The following ANKRD30A variants were observed in gnomAD, a reference collection of about 807,000 sequenced individuals.
ANKRD30A encodes ankyrin repeat domain 30A, also known as ankyrin repeat domain-containing protein 30A.
A neutral mutation model predicts 166.3 loss-of-function variants in ANKRD30A; 170 were observed. That is an observed-to-expected ratio of 1.02 (90% CI 0.90 to 1.16). ANKRD30A has a LOEUF of 1.16. ANKRD30A is among the 50% of genes most tolerant of loss of function. The pLI, the probability that ANKRD30A is intolerant of heterozygous loss-of-function variation, is 0.00. For synonymous variants in ANKRD30A, 564 were observed against 508.9 expected (o/e 1.11, Z -1.46); for missense variants, 1,630 against 1,518.0 (o/e 1.07, Z -1.23).
chr10:37,229,093 G>C (rs935200773), intron 34 of ANKRD30A, among the ~76,000 whole-genome samples: 4 of 151,962 alleles, frequency 2.6e-5, no homozygotes, highest in Non-Finnish European at 5.9e-5. Flanking sequence ...AATGTTGGCT[G>C]TGGCAGGCAG....
At chr10:37,153,757 C>T in intron 13 of ANKRD30A, 95 bp downstream of exon 13, 1 of 1,524,456 alleles carries the variant, frequency 6.6e-7, no homozygotes. Flanking sequence ...AAATTACCTC[C>T]TAAATGCAAA....
At chr10:37,199,300 T>A (rs1233342463) in intron 29 of ANKRD30A, among the ~76,000 whole-genome samples, 2 of 152,086 alleles carry the variant, frequency 1.3e-5, no homozygotes, top group Admixed American at 6.6e-5. Flanking sequence ...TGATAAATCA[T>A]CTTTTTTGAA....
rs1341224354 is a variant in ANKRD30A at position 37,183,438 on chromosome 10, T to C, written c.2422-6029T>C. ...ATGCATAAGGTTTTAAAGTGCCAAA[T>C]AACAAATGGGCTCTTGTATATGAAA... On this transcript the variant is annotated intron_variant, in intron 24 of 35. Transcript: ENST00000361713. Among the ~76,000 whole-genome samples, 22 of 146,802 alleles carry C rather than the reference T, an allele frequency of 1.5e-4. 1 individual carries two copies. Among genetic ancestry groups the C allele is most frequent in the African/African-American group, 4.7e-4 (19 of 40,398 alleles).
the ANKRD30A span, among the ~76,000 whole-genome samples, chr10:37,251,390 C>T: frequency 6.6e-6 from 1 of 152,078 alleles, no homozygotes; most frequent in East Asian, 1.9e-4. Flanking sequence ...GGCACCAATT[C>T]GAAATTTGAG....
downstream of ANKRD30A, chr10:37,232,699 G>GTATATATAAAT (rs1564604965): frequency 1.9e-4 from 1 of 5,324 alleles, no homozygotes; most frequent in Non-Finnish European, 3.8e-4. Context: ...TATATAAATA[G>GTATATATAAAT]AGAGAGAGAG....
intron 15 of ANKRD30A, among the ~76,000 whole-genome samples, chr10:37,159,266 T>TA (rs1838640748): frequency 6.6e-6 from 1 of 152,148 alleles, no homozygotes; most frequent in Non-Finnish European, 1.5e-5. Context: ...CCTGTAATCC[T>TA]AGCATTTTGG....
At chr10:37,213,626 A>G (rs1375451872) in intron 31 of ANKRD30A, among the ~76,000 whole-genome samples, 1 of 149,544 alleles carries the variant, frequency 6.7e-6, no homozygotes, top group Non-Finnish European at 1.5e-5. Flanking sequence ...TCTAATGTAG[A>G]CATTCAGTGC....
At chr10:37,232,654 T>TATATATATATA (rs71007625), downstream of ANKRD30A, 93 of 54,190 alleles carry the variant, frequency 1.7e-3, 3 homozygotes, top group South Asian at 3.5e-3. Flanking sequence ...AGCATTGGTT[T>TATATATATATA]TATATATATA....
At chr10:37,252,585 A>T in the ANKRD30A span, among the ~76,000 whole-genome samples, 1 of 152,152 alleles carries the variant, frequency 6.6e-6, no homozygotes, top group East Asian at 1.9e-4. Flanking sequence ...AGTATTTCTT[A>T]GTCTAATTTT....
chr10:37,219,272 A>G lies in ANKRD30A; in HGVS notation c.3560A>G (p.Asp1187Gly), dbSNP rs754498870. ...MLTSKLKEKQDKEILEAEIES... is the reference protein window; with the variant it reads ...MLTSKLKEKQGKEILEAEIES... ...ACTTCTAAATTGAAGGAAAAACAAG[A>G]CAAAGAAATACTAGAGGCAGAAATT... The change falls in exon 34 of 36, where the codon GAC (aspartate) becomes GGC (glycine). Residue 1187 changes from aspartate (D) to glycine (G), a missense_variant. This residue lies in a region of ANKRD30A where 712 missense variants were observed against 629.3 expected (regional missense o/e 1.13). Transcript: ENST00000361713. The G allele has an allele frequency of 7.5e-6, 12 of 1,610,418 alleles. No individual in the cohort carries two copies. In the African/African-American group the frequency reaches 1.2e-4, roughly 16 times the overall value.
intron 4 of ANKRD30A, among the ~76,000 whole-genome samples, chr10:37,132,899 G>C (rs1344236797): frequency 2.0e-5 from 3 of 152,078 alleles, no homozygotes; most frequent in Non-Finnish European, 4.4e-5. Context: ...TCTGTGGGGG[G>C]CTGAGGCACG....
chr10:37,262,816 A>G, the ANKRD30A span, among the ~76,000 whole-genome samples: 1 of 152,182 alleles, frequency 6.6e-6, no homozygotes, highest in Admixed American at 6.5e-5. Context: ...TACATACACA[A>G]ATATATAGAA....
At chr10:37,172,238 C>T (rs967340248) in intron 21 of ANKRD30A, among the ~76,000 whole-genome samples, 11 of 102,990 alleles carry the variant, frequency 1.1e-4, no homozygotes, top group Admixed American at 8.3e-4. Flanking sequence ...ATTTCTCAGG[C>T]GATGCTGCTG....
intron 31 of ANKRD30A, among the ~76,000 whole-genome samples, chr10:37,204,412 C>G (rs914974891): frequency 2.0e-5 from 3 of 152,088 alleles, no homozygotes; most frequent in African/African-American, 7.2e-5. Context: ...ACTGGCTAGC[C>G]ATATGTAGAA....
intron 15 of ANKRD30A, among the ~76,000 whole-genome samples, chr10:37,161,446 T>TA (rs1554816493): frequency 2.0e-5 from 3 of 152,038 alleles, no homozygotes; most frequent in Non-Finnish European, 4.4e-5. Flanking sequence ...GGTTTTTTTT[T>TA]ATTTTCTGTT....
intron 24 of ANKRD30A, among the ~76,000 whole-genome samples, chr10:37,184,041 C>T (rs1241111447): frequency 5.3e-5 from 8 of 151,716 alleles, no homozygotes; most frequent in South Asian, 4.2e-4. Context: ...ATTTCTCAGG[C>T]GATGCTGCTG....
chr10:37,192,915 A>T, intron 25 of ANKRD30A, 149 bp from the exon 26 acceptor site: 2 of 1,482,140 alleles, frequency 1.3e-6, no homozygotes, highest in Non-Finnish European at 1.9e-6. Context: ...ATGATAACAA[A>T]TACAGTAACC....
At chr10:37,232,652 T>C (rs1230026301), downstream of ANKRD30A, 1 of 22,190 alleles carries the variant, frequency 4.5e-5, no homozygotes, top group Non-Finnish European at 7.9e-5. Flanking sequence ...GAAGCATTGG[T>C]TTTATATATA....
chr10:37,206,146 G>C (rs1281162878), intron 31 of ANKRD30A, among the ~76,000 whole-genome samples: 8 of 152,180 alleles, frequency 5.3e-5, no homozygotes, highest in Admixed American at 4.6e-4. Flanking sequence ...CAAGACCACA[G>C]ATCCAGATCC....
Sources: allele counts gnomAD v4.1 joint callset (sites outside exome capture counted in the v4.1 genomes callset), GRCh38; gene constraint gnomAD v4.1.1; regional missense constraint gnomAD v4.1.1; transcripts MANE v1.5; gene names NCBI Gene and HGNC (gene_info 2026-07-23, HGNC 2026-07-21).